TRIM9: variants seen among roughly 807,000 people sequenced by gnomAD.
The protein encoded by TRIM9 is tripartite motif containing 9, also known as E3 ubiquitin-protein ligase TRIM9.
TRIM9 carries 26 observed loss-of-function variants against 78.3 expected under a neutral mutation model. The ratio of observed to expected loss-of-function variants is 0.33; its 90% confidence interval spans 0.24 to 0.46. TRIM9 has a LOEUF of 0.46. TRIM9 is among the 20% of genes least tolerant of loss of function. The pLI is 1.00. For synonymous variants in TRIM9, 398 were observed against 416.5 expected, an observed-to-expected ratio of 0.96 and a Z score of 0.54; for missense variants, 787 against 1,036.4, an observed-to-expected ratio of 0.76 and a Z score of 3.30.
At chr14:50,979,180 G>C in intron 12 of TRIM9, 1 of 1,441,716 alleles carries the variant, frequency 6.9e-7, no homozygotes. Flanking sequence ...TAACTAGTCT[G>C]CGTCCAAGTA....
chr14:51,078,440 T>TACACCAAC (rs2062999360), intron 1 of TRIM9, among the ~76,000 whole-genome samples: 1 of 152,132 alleles, frequency 6.6e-6, no homozygotes, highest in Admixed American at 6.5e-5. Flanking sequence ...AACCTAAGTG[T>TACACCAAC]ACACCAACAG....
rs1449290286 is a variant in TRIM9 at position 50,982,970 on chromosome 14, T to C, written c.1835-5A>G. The C allele has an allele frequency of 3.9e-6, 6 of 1,548,990 alleles. No homozygotes were observed. Among genetic ancestry groups the C allele is most frequent in the African/African-American group, 2.7e-5 (2 of 73,036 alleles). On this transcript the variant is annotated splice_region_variant and splice_polypyrimidine_tract_variant and intron_variant, in intron 9 of 12. Transcript: ENST00000684578. ...CCAACAGCTTTTTAATGTCAACTGTTGTCATTCCAAGTGAAAGGCATGGGG... is the reference window on the plus strand; with the variant it reads ...CCAACAGCTTTTTAATGTCAACTGTCGTCATTCCAAGTGAAAGGCATGGGG...
intron 7 of TRIM9, among the ~76,000 whole-genome samples, chr14:50,993,952 G>A (rs1211438991): frequency 6.6e-6 from 1 of 152,042 alleles, no homozygotes; most frequent in Non-Finnish European, 1.5e-5. Context: ...AGAATAATGG[G>A]CCATCTAAAA....
chr14:50,985,070 T>C (rs2052515028), intron 8 of TRIM9, among the ~76,000 whole-genome samples: 1 of 152,240 alleles, frequency 6.6e-6, no homozygotes, highest in Non-Finnish European at 1.5e-5. Flanking sequence ...AAATATGAAA[T>C]GTGCATCATG....
chr14:51,051,948 C>G (rs1376078051), intron 1 of TRIM9, among the ~76,000 whole-genome samples: 1 of 141,826 alleles, frequency 7.1e-6, no homozygotes, highest in Non-Finnish European at 1.5e-5. Context: ...GCCTAGGCAA[C>G]AGAGACCCTG....
chr14:51,052,431 T>G (rs1455619461), intron 1 of TRIM9, among the ~76,000 whole-genome samples: 1 of 152,206 alleles, frequency 6.6e-6, no homozygotes, highest in African/African-American at 2.4e-5. Flanking sequence ...GGAATTAAAT[T>G]TGATTATCAA....
At chr14:51,045,860 G>A (rs746351996) in intron 1 of TRIM9, among the ~76,000 whole-genome samples, 1 of 152,000 alleles carries the variant, frequency 6.6e-6, no homozygotes, top group Non-Finnish European at 1.5e-5. Flanking sequence ...AACAGTATGC[G>A]CAAGGAGGCA....
At chr14:51,027,782 G>A (rs1017597132) in intron 1 of TRIM9, among the ~76,000 whole-genome samples, 1 of 152,096 alleles carries the variant, frequency 6.6e-6, no homozygotes, top group Non-Finnish European at 1.5e-5. Flanking sequence ...GCAATAATAT[G>A]AGAGGCATAT....
chr14:51,008,461 G>T (rs1173979078), intron 5 of TRIM9, among the ~76,000 whole-genome samples: 2 of 152,112 alleles, frequency 1.3e-5, no homozygotes. Flanking sequence ...GTTGTTGCAT[G>T]GTTGGCTTGA....
chr14:50,994,421 T>C (rs1056870274), intron 7 of TRIM9, among the ~76,000 whole-genome samples: 4 of 151,936 alleles, frequency 2.6e-5, no homozygotes, highest in South Asian at 2.1e-4. Flanking sequence ...AAAAGGAAGG[T>C]AGAAAGGTCA....
chr14:51,053,159 C>A (rs1185511195), intron 1 of TRIM9, among the ~76,000 whole-genome samples: 226 of 133,336 alleles, frequency 1.7e-3, no homozygotes, highest in East Asian at 2.1e-3. Flanking sequence ...GACCCTGTTT[C>A]AAAAAAAAAA....
intron 1 of TRIM9, among the ~76,000 whole-genome samples, chr14:51,044,756 T>C (rs1205301211): frequency 6.6e-6 from 1 of 152,232 alleles, no homozygotes; most frequent in Non-Finnish European, 1.5e-5. Context: ...TTTTGTTATA[T>C]GGCTAAACCT....
chr14:50,982,237 A>T, intron 10 of TRIM9, 134 bp from the exon 11 acceptor site: 1 of 973,138 alleles, frequency 1.0e-6, no homozygotes, highest in Non-Finnish European at 1.5e-6. Flanking sequence ...GTCCAGGGCC[A>T]GGGCAGACAG....
chr14:51,071,462 A>G (rs933962390), intron 1 of TRIM9, among the ~76,000 whole-genome samples: 1 of 151,834 alleles, frequency 6.6e-6, no homozygotes, highest in African/African-American at 2.4e-5. Context: ...TGAAATGCCA[A>G]CTCTGATACC....
chr14:51,045,915 C>T (rs1288269021), intron 1 of TRIM9, among the ~76,000 whole-genome samples: 1 of 151,870 alleles, frequency 6.6e-6, no homozygotes, highest in Non-Finnish European at 1.5e-5. Context: ...CAGGAATCAA[C>T]TTCAATTCCA....
intron 1 of TRIM9, among the ~76,000 whole-genome samples, chr14:51,038,575 G>C (rs559436764): frequency 6.9e-4 from 105 of 152,282 alleles, no homozygotes; most frequent in Admixed American, 1.4e-3. Flanking sequence ...CGACCACAAA[G>C]AATATAAAGA....
chr14:51,042,118 T>C (rs1038416621), intron 1 of TRIM9, among the ~76,000 whole-genome samples: 2 of 152,188 alleles, frequency 1.3e-5, no homozygotes, highest in Non-Finnish European at 1.5e-5. Flanking sequence ...AAATGCAAAG[T>C]TGATAGCTAA....
chr14:50,989,214 C>T (rs1402407798), intron 7 of TRIM9, among the ~76,000 whole-genome samples: 1 of 152,202 alleles, frequency 6.6e-6, no homozygotes, highest in East Asian at 1.9e-4. Flanking sequence ...TGTTCAAAGG[C>T]ATGAATCAAA....
chr14:51,024,742 G>A (rs1163534390), intron 2 of TRIM9, among the ~76,000 whole-genome samples: 1 of 151,902 alleles, frequency 6.6e-6, no homozygotes, highest in East Asian at 1.9e-4. Flanking sequence ...GCATTATTGT[G>A]GGTCAGGGAG....
Sources: gnomAD v4.1 joint callset for allele counts (sites outside exome capture counted in the v4.1 genomes callset) on GRCh38, gnomAD v4.1.1 for gene constraint, MANE v1.5 for transcripts, NCBI Gene and HGNC (gene_info 2026-07-23, HGNC 2026-07-21) for gene names.